The following EEA1 variants were observed in gnomAD, a reference collection of about 807,000 sequenced individuals.
EEA1 encodes the protein early endosome antigen 1, 162kD.
EEA1 carries 111 observed loss-of-function variants against 209.2 expected under a neutral mutation model. That is an observed-to-expected ratio of 0.53 (90% CI 0.45 to 0.62). EEA1 has a LOEUF of 0.62. Among genes scored for constraint, EEA1 ranks in the 20% least tolerant of loss-of-function variants. The pLI, the probability that EEA1 is intolerant of heterozygous loss-of-function variation, is 0.00. For missense variants in EEA1, 1,343 were observed against 1,530.8 expected, an observed-to-expected ratio of 0.88 and a Z score of 2.05; for synonymous variants, 536 against 540.6, an observed-to-expected ratio of 0.99 and a Z score of 0.12.
intron 9 of EEA1, among the ~76,000 whole-genome samples, chr12:92,843,208 A>G (rs73362478): frequency 0.017 from 2,580 of 152,210 alleles, 32 homozygotes; most frequent in East Asian, 0.04. Context: ...CCCAGGCTTG[A>G]GTGAAGTGGT....
chr12:92,778,038 C>T lies in EEA1; in HGVS notation c.3796G>A (p.Glu1266Lys). The T allele has an allele frequency of 6.2e-7, 1 of 1,613,576 alleles. No individual in the cohort carries two copies. The highest frequency in any genetic ancestry group is 2.2e-5 in the East Asian group (1 of 44,856). The change falls in exon 26 of 29, where the codon GAG (glutamate) becomes AAG (lysine). Residue 1266 changes from glutamate (E) to lysine (K), a missense_variant. Around this residue, in one of 3 missense-constraint regions of EEA1, gnomAD observed 1,307 missense variants for 1,465.5 expected, o/e 0.89. Transcript: ENST00000322349. ...AAGTCATCCGTTTGTTTCTCAAGCTCACTAACTCTCCGTTGACTAGATTGC... is the reference window on the plus strand; with the variant it reads ...AAGTCATCCGTTTGTTTCTCAAGCTTACTAACTCTCCGTTGACTAGATTGC... ...EWQSSQRRVS[E>K]LEKQTDDLRG...
intron 6 of EEA1, 66 bp downstream of exon 6, chr12:92,853,843 CAAAGAA>C: frequency 1.4e-6 from 2 of 1,391,492 alleles, no homozygotes; most frequent in South Asian, 2.7e-5. Context: ...TGGCAGGCAT[CAAAGAA>C]AAAGAAAGGA....
At chr12:92,832,934 G>T in intron 10 of EEA1, 84 bp from the exon 11 acceptor site, 1 of 962,100 alleles carries the variant, frequency 1.0e-6, no homozygotes, top group Non-Finnish European at 1.5e-6. Flanking sequence ...GAGCAGTACT[G>T]TCTCCTATTA....
rs540553243 is a variant in EEA1, at chr12:92,845,068, C to A, written c.799-2487G>T. ...TCCTATTTTATAGCTTTTAGATATG[C>A]TCTTACTGTATAAGGTTAACAACTA... is the stretch of plus-strand genomic sequence containing the variant. On this transcript the variant is annotated intron_variant, in intron 9 of 28. Transcript: ENST00000322349. Among the ~76,000 whole-genome samples, 4 of 152,124 alleles carry A rather than the reference C, an allele frequency of 2.6e-5. No homozygotes were observed. The East Asian group carries it at 7.7e-4, about 29-fold the overall frequency.
At chr12:92,872,990 T>C (rs561325999) in intron 2 of EEA1, among the ~76,000 whole-genome samples, 2 of 152,140 alleles carry the variant, frequency 1.3e-5, no homozygotes, top group Admixed American at 1.3e-4. Flanking sequence ...GAGACTAGAA[T>C]TGAAAGCATC....
chr12:92,837,497 C>T (rs1565829037), intron 10 of EEA1, among the ~76,000 whole-genome samples: 2 of 152,060 alleles, frequency 1.3e-5, no homozygotes, highest in Non-Finnish European at 2.9e-5. Context: ...TGGAGAAAAG[C>T]GATGAAGGAT....
chr12:92,781,562 T>A (rs1011259452), intron 23 of EEA1, among the ~76,000 whole-genome samples: 2 of 152,244 alleles, frequency 1.3e-5, no homozygotes, highest in Non-Finnish European at 2.9e-5. Flanking sequence ...TGGTTCTTAA[T>A]TTTAAGAATT....
chr12:92,887,382 C>T (rs1879459875), intron 2 of EEA1, among the ~76,000 whole-genome samples: 1 of 151,990 alleles, frequency 6.6e-6, no homozygotes, highest in Non-Finnish European at 1.5e-5. Flanking sequence ...CAGTGGCTCA[C>T]ATCTATAATT....
intron 21 of EEA1, among the ~76,000 whole-genome samples, chr12:92,791,937 T>C (rs963497630): frequency 1.8e-4 from 28 of 152,204 alleles, no homozygotes; most frequent in African/African-American, 6.3e-4. Flanking sequence ...CAGATCACAG[T>C]GCCATCAAAT....
At chr12:92,837,227 T>C (rs762604214) in intron 10 of EEA1, among the ~76,000 whole-genome samples, 3 of 152,140 alleles carry the variant, frequency 2.0e-5, no homozygotes, top group Non-Finnish European at 4.4e-5. Flanking sequence ...AATGTTCCTA[T>C]TAATCCTAAG....
intron 1 of EEA1, among the ~76,000 whole-genome samples, chr12:92,922,085 A>C (rs965196204): frequency 6.6e-6 from 1 of 152,148 alleles, no homozygotes; most frequent in Admixed American, 6.5e-5. Context: ...GCCACTTCTC[A>C]GTCCTTATTT....
rs1296047887 is a variant in EEA1, at chr12:92,929,279, A to T, written c.-213T>A. ...AGAGAGAGCGAGCGAACGACTAGGC[A>T]GCCTGCGAGCGCCTCCAGCCCGCCC... On this transcript the variant is annotated 5_prime_UTR_variant, in exon 1 of 29. Coordinates refer to ENST00000322349, the MANE Select transcript of EEA1 (RefSeq NM_003566.4). 1.8e-5 allele frequency: 6 copies of T among 337,958 alleles called. No homozygotes were observed. Among genetic ancestry groups the T allele is most frequent in the Non-Finnish European group, 3.2e-5 (6 of 186,240 alleles). The allele number at this position is 337,958 out of a possible 1,614,324, so 20.9% of individuals were successfully genotyped here.
intron 10 of EEA1, among the ~76,000 whole-genome samples, chr12:92,836,500 A>C (rs17790382): frequency 0.081 from 12,276 of 152,242 alleles, 584 homozygotes; most frequent in Non-Finnish European, 0.098. Context: ...CATAGCTTAC[A>C]AAGTTATTTC....
intron 23 of EEA1, among the ~76,000 whole-genome samples, chr12:92,781,429 C>T (rs978873226): frequency 8.5e-5 from 13 of 152,148 alleles, no homozygotes; most frequent in African/African-American, 3.1e-4. Flanking sequence ...AAAAAATAAA[C>T]TCTTTCCTAG....
At position 92,777,293 on chromosome 12, in the gene EEA1, A is replaced by G. The variant is rs1873698848; in HGVS notation, c.4014+250T>C. ...ACTCATATATTCTTTGGTATTCTTG[A>G]ATTTTGTAGTTCTTTCCATATACTA... On this transcript the variant is annotated intron_variant, in intron 27 of 28. Transcript: ENST00000322349. Among the ~76,000 whole-genome samples, 3 of 151,970 alleles carry G rather than the reference A, an allele frequency of 2.0e-5. No homozygotes were observed. In the South Asian group the frequency reaches 6.2e-4, roughly 31 times the overall value.
At chr12:92,824,948 G>T (rs1472778116) in intron 13 of EEA1, among the ~76,000 whole-genome samples, 1 of 152,168 alleles carries the variant, frequency 6.6e-6, no homozygotes, top group East Asian at 1.9e-4. Context: ...AATGAATCCA[G>T]TATTTTGATC....
At chr12:92,822,412 A>G (rs943399984) in intron 13 of EEA1, among the ~76,000 whole-genome samples, 6 of 152,102 alleles carry the variant, frequency 3.9e-5, no homozygotes, top group African/African-American at 1.4e-4. Flanking sequence ...CTATTACTTT[A>G]CTGAAATTAT....
intron 3 of EEA1, among the ~76,000 whole-genome samples, chr12:92,861,899 A>C (rs1878170489): frequency 6.6e-6 from 1 of 152,162 alleles, no homozygotes; most frequent in Non-Finnish European, 1.5e-5. Flanking sequence ...TTCACCATAA[A>C]CTTTTTTGAA....
At position 92,929,235 on chromosome 12, in the gene EEA1, C is replaced by T; in HGVS notation, c.-169G>A. On this transcript the variant is annotated 5_prime_UTR_variant, in exon 1 of 29. Coordinates refer to ENST00000322349, the MANE Select transcript of EEA1 (RefSeq NM_003566.4). ...CGGGCGGCCCCGACTTCCCCACAGG[C>T]GGCGAGAGGGAGCACGCGAGAGAGA... 1 of 455,230 alleles carries T rather than the reference C, an allele frequency of 2.2e-6. No homozygotes were observed. The highest frequency in any genetic ancestry group is 5.8e-4 in the Middle Eastern group (1 of 1,714). 28.2% of individuals were successfully genotyped at this position (455,230 alleles called of 1,614,324 possible).
Sources: gnomAD v4.1 joint callset for allele counts (sites outside exome capture counted in the v4.1 genomes callset) on GRCh38, gnomAD v4.1.1 for gene constraint, gnomAD v4.1.1 regional missense constraint, MANE v1.5 for transcripts, NCBI Gene and HGNC (gene_info 2026-07-23, HGNC 2026-07-21) for gene names.